IL22RA1: variants seen among roughly 807,000 people sequenced by gnomAD.
IL22RA1 encodes the protein interleukin-22 receptor subunit alpha-1.
Under a neutral mutation model 32.8 loss-of-function variants are expected in IL22RA1, and 25 were observed. The observed-to-expected ratio is 0.76, with a 90% CI of 0.55 to 1.06. The LOEUF (loss-of-function observed/expected upper bound fraction) is 1.06, where lower values mean the gene tolerates loss of function less well. Ranked by LOEUF, IL22RA1 falls within the 50% of genes least tolerant of loss-of-function variation. The probability of loss-of-function intolerance (pLI) is 0.00; values close to 1 mark genes in which losing one functional copy is unlikely to be tolerated. For missense variants in IL22RA1, 709 were observed against 727.4 expected, an observed-to-expected ratio of 0.97 and a Z score of 0.29; for synonymous variants, 305 against 305.0, an observed-to-expected ratio of 1.00 and a Z score of 0.00.
At chr1:24,138,837 C>A in intron 1 of IL22RA1, 123 bp from the exon 2 acceptor site, 2 of 1,200,814 alleles carry the variant, frequency 1.7e-6, no homozygotes, top group Non-Finnish European at 2.3e-6. Context: ...TTCAAGATGC[C>A]AGCCTGGTGG....
rs1644112331 is a variant in IL22RA1, at chr1:24,120,547, A to G, written c.*258T>C. Reference sequence around the variant, plus strand: ...CCTTGCACTGTCATTTCTGCCTTGCAGGGCTCAGCGAGCACGCGCTTGTCT... The same window carrying G: ...CCTTGCACTGTCATTTCTGCCTTGCGGGGCTCAGCGAGCACGCGCTTGTCT... On this transcript the variant is annotated 3_prime_UTR_variant, in exon 7 of 7. Transcript: ENST00000270800. 4.5e-6 allele frequency: 2 copies of G among 439,970 alleles called. No homozygotes were observed. Among genetic ancestry groups the G allele is most frequent in the Admixed American group, 3.9e-5 (1 of 25,778 alleles). 27.3% of individuals were successfully genotyped at this position (439,970 alleles called of 1,614,324 possible). A position where few individuals can be genotyped will look rare whatever the true frequency, so the allele number is the denominator to read the frequency against.
chr1:24,128,032 A>G, intron 5 of IL22RA1, 109 bp downstream of exon 5: 1 of 1,153,978 alleles, frequency 8.7e-7, no homozygotes, highest in Non-Finnish European at 1.2e-6. Context: ...TAACCCTTCC[A>G]TGGTTTTCTA....
chr1:24,128,290 C>G lies in IL22RA1; in HGVS notation c.532-11G>C. On this transcript the variant is annotated splice_polypyrimidine_tract_variant and intron_variant, in intron 4 of 6. Transcript: ENST00000270800. ...CTTCCCTCCAAGGTGCTGAATTGGACAGAGAATGGAATGTGATTCCTGTTA... is the reference window on the plus strand; with the variant it reads ...CTTCCCTCCAAGGTGCTGAATTGGAGAGAGAATGGAATGTGATTCCTGTTA... The G allele has an allele frequency of 6.2e-7, 1 of 1,613,372 alleles. No homozygotes were observed. The highest frequency in any genetic ancestry group is 8.5e-7 in the Non-Finnish European group (1 of 1,179,660).
intron 3 of IL22RA1, chr1:24,134,847 C>T: frequency 1.0e-6 from 1 of 984,690 alleles, no homozygotes. Context: ...ACTTCTGTCT[C>T]TCTCAAGATG....
intron 5 of IL22RA1, chr1:24,123,640 A>C: frequency 1.8e-6 from 2 of 1,101,976 alleles, no homozygotes; most frequent in South Asian, 3.6e-5. Context: ...TTAAATAAAT[A>C]AAATGTTCGA....
chr1:24,136,603 G>A (rs967877740), intron 3 of IL22RA1, among the ~76,000 whole-genome samples: 1 of 152,202 alleles, frequency 6.6e-6, no homozygotes, highest in Non-Finnish European at 1.5e-5. Flanking sequence ...CAAGGAACCC[G>A]AGGCAGGGAC....
chr1:24,137,100 T>G, intron 3 of IL22RA1, 31 bp downstream of exon 3: 1 of 1,591,744 alleles, frequency 6.3e-7, no homozygotes, highest in Non-Finnish European at 8.6e-7. Flanking sequence ...TCCTCTTCCC[T>G]CCCCTGAAAC....
intron 1 of IL22RA1, 80 bp from the exon 2 acceptor site, chr1:24,138,794 C>T: frequency 4.0e-6 from 6 of 1,503,342 alleles, no homozygotes; most frequent in Non-Finnish European, 5.4e-6. Context: ...CAGAGTCCTG[C>T]CCCATATAAA....
intron 4 of IL22RA1, among the ~76,000 whole-genome samples, chr1:24,132,127 C>T (rs1644209384): frequency 6.6e-6 from 1 of 152,106 alleles, no homozygotes; most frequent in African/African-American, 2.4e-5. Context: ...TGAGGTTTAT[C>T]TCCCGGGGTC....
chr1:24,138,866 G>A, intron 1 of IL22RA1, 152 bp from the exon 2 acceptor site: 4 of 865,810 alleles, frequency 4.6e-6, no homozygotes, highest in Non-Finnish European at 5.3e-6. Flanking sequence ...GGAGACCCTG[G>A]CCCCCAGCCT....
intron 5 of IL22RA1, among the ~76,000 whole-genome samples, chr1:24,125,394 G>C (rs1443851136): frequency 2.0e-5 from 3 of 152,172 alleles, no homozygotes; most frequent in Admixed American, 6.5e-5. Flanking sequence ...AGGATATGAG[G>C]TGAGGTGGCC....
intron 5 of IL22RA1, 30 bp from the exon 6 acceptor site, chr1:24,123,453 G>A: frequency 6.2e-7 from 1 of 1,606,706 alleles, no homozygotes; most frequent in Non-Finnish European, 8.5e-7. Flanking sequence ...AGAGAAGGAA[G>A]CGTGAGGCTG....
At chr1:24,137,066 C>G (rs1052963065) in intron 3 of IL22RA1, 65 bp downstream of exon 3, 3 of 1,503,210 alleles carry the variant, frequency 2.0e-6, no homozygotes, top group Non-Finnish European at 2.7e-6. Flanking sequence ...AAGAGGCCAT[C>G]CCACCCCGCA....
chr1:24,131,986 C>A lies in IL22RA1; in HGVS notation c.531+2225G>T, dbSNP rs570922250. Among the ~76,000 whole-genome samples, 4 of 152,184 alleles carry A rather than the reference C, an allele frequency of 2.6e-5. No individual in the cohort carries two copies. The East Asian group carries it at 7.7e-4, about 29-fold the overall frequency. ...TATTTAATAAGACCCTAAATATTTA[C>A]CAAAAAATAGTTGTGATAAGGACTC... On this transcript the variant is annotated intron_variant, in intron 4 of 6. Coordinates refer to ENST00000270800, the MANE Select transcript of IL22RA1 (RefSeq NM_021258.4).
chr1:24,138,324 G>A (rs1424186158), intron 2 of IL22RA1, among the ~76,000 whole-genome samples: 4 of 152,302 alleles, frequency 2.6e-5, no homozygotes, highest in East Asian at 1.9e-4. Context: ...CTGAGGCTTC[G>A]TGAGGTTACC....
Position 24,138,569 on chromosome 1 carries a change from G to T in IL22RA1, c.176+13C>A, listed in dbSNP as rs1440425496. 12 of 1,613,990 alleles carry T rather than the reference G, an allele frequency of 7.4e-6. No individual in the cohort carries two copies. Among genetic ancestry groups the T allele is most frequent in the African/African-American group, 2.7e-5 (2 of 74,928 alleles). On this transcript the variant is annotated intron_variant, in intron 2 of 6. Transcript: ENST00000270800. Reference sequence around the variant, plus strand: ...GATCAGTCAAAGGAGGTGGGGTCAAGAGAGAAGCCTACGTCTTATACTCGA... The same window carrying T: ...GATCAGTCAAAGGAGGTGGGGTCAATAGAGAAGCCTACGTCTTATACTCGA...
intron 4 of IL22RA1, among the ~76,000 whole-genome samples, chr1:24,131,127 G>C (rs67689164): frequency 0.033 from 5,007 of 152,254 alleles, 98 homozygotes; most frequent in Middle Eastern, 0.065. Flanking sequence ...AGGAACTTTA[G>C]AGTTGAAAAA....
At chr1:24,123,958 A>C (rs1386356226) in intron 5 of IL22RA1, among the ~76,000 whole-genome samples, 1 of 152,210 alleles carries the variant, frequency 6.6e-6, no homozygotes, top group Non-Finnish European at 1.5e-5. Context: ...GTCTGCCCTC[A>C]TGAGGAAGTA....
intron 4 of IL22RA1, among the ~76,000 whole-genome samples, chr1:24,129,932 G>T (rs1486700903): frequency 1.3e-5 from 2 of 152,084 alleles, no homozygotes; most frequent in African/African-American, 4.8e-5. Flanking sequence ...CCTCCATCCT[G>T]GTTCAGGCCC....
Sources: gnomAD v4.1 joint callset for allele counts (sites outside exome capture counted in the v4.1 genomes callset) on GRCh38, gnomAD v4.1.1 for gene constraint, MANE v1.5 for transcripts, NCBI Gene and HGNC (gene_info 2026-07-23, HGNC 2026-07-21) for gene names.